Variants in SPHKAP observed in about 807,000 individuals in gnomAD.
SPHKAP encodes A-kinase anchor protein SPHKAP.
SPHKAP carries 67 observed loss-of-function variants against 137.5 expected under a neutral mutation model. The observed-to-expected ratio is 0.49, with a 90% CI of 0.40 to 0.60. The LOEUF is 0.60. Ranked by LOEUF, SPHKAP falls within the 20% of genes least tolerant of loss-of-function variation. The pLI, the probability that SPHKAP is intolerant of heterozygous loss-of-function variation, is 0.00. For missense variants in SPHKAP, 2,097 were observed against 2,069.3 expected (o/e 1.01, Z -0.26); for synonymous variants, 813 against 785.3 (o/e 1.04, Z -0.59).
intron 2 of SPHKAP, among the ~76,000 whole-genome samples, chr2:228,125,492 A>G (rs1351738342): frequency 2.0e-5 from 3 of 152,162 alleles, no homozygotes; most frequent in Non-Finnish European, 4.4e-5. Context: ...TATCACACTA[A>G]CCTTAGAGAA....
At chr2:228,054,538 A>T (rs572807916) in intron 3 of SPHKAP, among the ~76,000 whole-genome samples, 2 of 152,266 alleles carry the variant, frequency 1.3e-5, no homozygotes, top group African/African-American at 2.4e-5. Flanking sequence ...TCAATAATTT[A>T]GTTGTCCTCA....
chr2:228,109,004 T>C lies in SPHKAP; in HGVS notation c.139-65A>G, dbSNP rs1355321871. The C allele has an allele frequency of 7.5e-6, 7 of 939,532 alleles. No individual in the cohort carries two copies. In the African/African-American group the frequency reaches 1.1e-4, roughly 15 times the overall value. The allele number at this position is 939,532 out of a possible 1,614,324, so 58.2% of individuals were successfully genotyped here. On this transcript the variant is annotated intron_variant, in intron 2 of 11. Coordinates refer to ENST00000392056, the MANE Select transcript of SPHKAP (RefSeq NM_001142644.2). ...CCTTTCTATCTAAACAGCAGCTCTC[T>C]CTCTTTTTTTTTTTTCTTATAAAAA...
At chr2:228,014,064 C>G (rs1362055148) in intron 7 of SPHKAP, among the ~76,000 whole-genome samples, 1 of 152,026 alleles carries the variant, frequency 6.6e-6, no homozygotes, top group Non-Finnish European at 1.5e-5. Flanking sequence ...TGAATTGTAC[C>G]TATTTTAAGG....
At chr2:228,024,662 C>A (rs866786045) in intron 5 of SPHKAP, among the ~76,000 whole-genome samples, 11 of 151,978 alleles carry the variant, frequency 7.2e-5, no homozygotes, top group South Asian at 4.2e-4. Flanking sequence ...AAATTAAAAC[C>A]CAAGGAAGAA....
At chr2:228,144,876 G>A (rs115538505) in intron 1 of SPHKAP, among the ~76,000 whole-genome samples, 1,982 of 152,246 alleles carry the variant, frequency 0.013, 46 homozygotes, top group African/African-American at 0.046. Context: ...ATTGGAAAAA[G>A]TGACAAAACC....
chr2:227,982,823 G>A (rs1259790789), intron 11 of SPHKAP, among the ~76,000 whole-genome samples: 1 of 152,148 alleles, frequency 6.6e-6, no homozygotes, highest in African/African-American at 2.4e-5. Flanking sequence ...CATTTTGGTG[G>A]CAAAAGAACT....
intron 2 of SPHKAP, among the ~76,000 whole-genome samples, chr2:228,122,971 C>A (rs770846678): frequency 1.1e-4 from 17 of 152,156 alleles, no homozygotes; most frequent in Non-Finnish European, 2.1e-4. Context: ...TAGTCATTCT[C>A]CTGTTCAGCC....
intron 1 of SPHKAP, among the ~76,000 whole-genome samples, chr2:228,136,247 A>G (rs1699437501): frequency 6.6e-6 from 1 of 152,196 alleles, no homozygotes; most frequent in Non-Finnish European, 1.5e-5. Flanking sequence ...GATTTTGACA[A>G]GTGTTGACAA....
chr2:228,030,681 C>T (rs977370777), intron 3 of SPHKAP, among the ~76,000 whole-genome samples: 1 of 151,152 alleles, frequency 6.6e-6, no homozygotes, highest in African/African-American at 2.4e-5. Flanking sequence ...ATAAAAACTG[C>T]CAGGAATATG....
At chr2:228,038,466 C>T (rs546831747) in intron 3 of SPHKAP, among the ~76,000 whole-genome samples, 212 of 152,094 alleles carry the variant, frequency 1.4e-3, no homozygotes, top group South Asian at 8.3e-3. Context: ...TGGAGAGAAA[C>T]CTGTCAGTGG....
At chr2:228,162,362 T>A (rs1039309010) in intron 1 of SPHKAP, among the ~76,000 whole-genome samples, 1 of 152,242 alleles carries the variant, frequency 6.6e-6, no homozygotes, top group African/African-American at 2.4e-5. Flanking sequence ...AAGTAATATC[T>A]TGTGGAAATG....
chr2:228,167,637 G>C (rs1436306544), intron 1 of SPHKAP, among the ~76,000 whole-genome samples: 1 of 152,054 alleles, frequency 6.6e-6, no homozygotes, highest in African/African-American at 2.4e-5. Flanking sequence ...TGTAAATTAA[G>C]TGGAAGAATT....
chr2:228,172,519 C>CA (rs895605332), intron 1 of SPHKAP, among the ~76,000 whole-genome samples: 1 of 152,074 alleles, frequency 6.6e-6, no homozygotes, highest in Non-Finnish European at 1.5e-5. Flanking sequence ...AAGTCTAGAG[C>CA]AAAAAGAGTT....
rs1393941364 is a variant in SPHKAP, at chr2:228,154,512, C to CTCTATATA, written c.33-22428_33-22427insTATATAGA. Among the ~76,000 whole-genome samples, 138 of 22,056 alleles carry CTCTATATA rather than the reference C, an allele frequency of 6.3e-3. 3 individuals carry two copies. The highest frequency in any genetic ancestry group is 0.019 in the East Asian group (7 of 362). 14.5% of individuals were successfully genotyped at this position (22,056 alleles called of 152,430 possible). ...TCTCTCTCTCTCTCTCTCTCTCTCT[C>CTCTATATA]TATATATATATATATATATATTTTT... On this transcript the variant is annotated intron_variant, in intron 1 of 11. Coordinates refer to ENST00000392056, the MANE Select transcript of SPHKAP (RefSeq NM_001142644.2).
chr2:227,984,575 G>A (rs1304269704), intron 11 of SPHKAP, among the ~76,000 whole-genome samples: 1 of 152,198 alleles, frequency 6.6e-6, no homozygotes, highest in Admixed American at 6.5e-5. Flanking sequence ...TCCAAGCCAT[G>A]ATTTTGATTG....
intron 7 of SPHKAP, among the ~76,000 whole-genome samples, chr2:228,010,177 G>C (rs1308891536): frequency 6.6e-6 from 1 of 152,120 alleles, no homozygotes; most frequent in African/African-American, 2.4e-5. Flanking sequence ...CGCTCAATGT[G>C]CTGCTTGTTG....
chr2:228,054,592 T>C (rs1341915106), intron 3 of SPHKAP, among the ~76,000 whole-genome samples: 2 of 152,052 alleles, frequency 1.3e-5, no homozygotes, highest in Non-Finnish European at 2.9e-5. Flanking sequence ...TCCAGGGAGA[T>C]TCATAAAATA....
chr2:228,019,658 A>G lies in SPHKAP; in HGVS notation c.1196T>C (p.Val399Ala). The change falls in exon 7 of 12, where the codon GTG (valine) becomes GCG (alanine). Residue 399 changes from valine to alanine, a missense_variant. Coordinates refer to ENST00000392056, the MANE Select transcript of SPHKAP (RefSeq NM_001142644.2). ...TAATCTAATAAATGCATCCTGCAGC[A>G]CGGATTCTGCTAAATTTGTAGCATA... is the stretch of plus-strand genomic sequence containing the variant. ...GKYATNLAES[V>A]LQDAFIRLSQ... 6 of 1,614,152 alleles carry G rather than the reference A, an allele frequency of 3.7e-6. No individual in the cohort carries two copies. The highest frequency in any genetic ancestry group is 1.3e-5 in the African/African-American group (1 of 75,062).
intron 1 of SPHKAP, among the ~76,000 whole-genome samples, chr2:228,137,156 G>GT (rs1438044342): frequency 2.0e-5 from 3 of 151,986 alleles, no homozygotes; most frequent in Non-Finnish European, 4.4e-5. Flanking sequence ...GCCATATCTT[G>GT]TTTTAGCACT....
Sources: allele counts gnomAD v4.1 joint callset (sites outside exome capture counted in the v4.1 genomes callset), GRCh38; gene constraint gnomAD v4.1.1; transcripts MANE v1.5; gene names NCBI Gene and HGNC (gene_info 2026-07-23, HGNC 2026-07-21).